UBE3D: variants seen among roughly 807,000 people sequenced by gnomAD.
UBE3D encodes the protein ubiquitin protein ligase E3D, also known as E3 ubiquitin-protein ligase E3D.
Under a neutral mutation model 49.6 loss-of-function variants are expected in UBE3D, and 48 were observed. The ratio of observed to expected loss-of-function variants is 0.97; its 90% CI spans 0.77 to 1.23. UBE3D has a LOEUF of 1.23. Ranked by LOEUF, UBE3D falls within the 50% of genes most tolerant of loss-of-function variation. The pLI, the probability that UBE3D is intolerant of heterozygous loss-of-function variation, is 0.00. For synonymous variants in UBE3D, 189 were observed against 174.2 expected (o/e 1.08, Z -0.67); for missense variants, 452 against 468.4 (o/e 0.96, Z 0.32).
chr6:83,039,823 T>G (rs926166587), intron 4 of UBE3D, among the ~76,000 whole-genome samples: 5 of 152,040 alleles, frequency 3.3e-5, no homozygotes, highest in Admixed American at 3.3e-4. Flanking sequence ...TTTGTAGTTA[T>G]AGTAGAGATG....
intron 9 of UBE3D, among the ~76,000 whole-genome samples, chr6:82,910,820 C>G (rs1772450534): frequency 6.6e-6 from 1 of 152,168 alleles, no homozygotes; most frequent in Admixed American, 6.5e-5. Flanking sequence ...GGTGGTGACA[C>G]TGACAATGTG....
intron 8 of UBE3D, among the ~76,000 whole-genome samples, chr6:82,985,100 C>A (rs985234144): frequency 6.6e-6 from 1 of 150,456 alleles, no homozygotes; most frequent in East Asian, 2.0e-4. Flanking sequence ...GATCCTCCCA[C>A]CTGGCCTCCC....
At chr6:83,024,367 T>C (rs1781304617) in intron 5 of UBE3D, among the ~76,000 whole-genome samples, 1 of 152,166 alleles carries the variant, frequency 6.6e-6, no homozygotes, top group Admixed American at 6.5e-5. Flanking sequence ...TTCTACAGAA[T>C]AGCTACAAAC....
At chr6:83,049,284 A>G (rs1303547145) in intron 3 of UBE3D, among the ~76,000 whole-genome samples, 1 of 152,046 alleles carries the variant, frequency 6.6e-6, no homozygotes, top group Non-Finnish European at 1.5e-5. Flanking sequence ...TCAAGTGGAC[A>G]TTAAGAATAT....
At chr6:82,957,737 G>A (rs768518440) in intron 8 of UBE3D, among the ~76,000 whole-genome samples, 1 of 152,098 alleles carries the variant, frequency 6.6e-6, no homozygotes, top group Non-Finnish European at 1.5e-5. Context: ...GGAAGGGGTG[G>A]CAGAGACTAA....
chr6:82,933,611 T>C (rs1011708349), intron 9 of UBE3D, among the ~76,000 whole-genome samples: 1 of 152,186 alleles, frequency 6.6e-6, no homozygotes, highest in Non-Finnish European at 1.5e-5. Context: ...CCAATTACAT[T>C]AACTATACAA....
intron 5 of UBE3D, among the ~76,000 whole-genome samples, chr6:83,024,638 A>G (rs1349616110): frequency 3.3e-5 from 5 of 152,108 alleles, no homozygotes; most frequent in Admixed American, 2.6e-4. Context: ...TTAAAACTCT[A>G]TTGATCACCT....
intron 9 of UBE3D, among the ~76,000 whole-genome samples, chr6:82,895,361 T>A: frequency 6.6e-6 from 1 of 152,080 alleles, no homozygotes; most frequent in East Asian, 1.9e-4. Context: ...TACAGAATAG[T>A]GATTTTCAAC....
chr6:82,998,106 C>T (rs544314472), intron 8 of UBE3D, among the ~76,000 whole-genome samples: 27 of 152,310 alleles, frequency 1.8e-4, no homozygotes, highest in Non-Finnish European at 3.1e-4. Context: ...GGCCTGAAGC[C>T]TTGCATAGGT....
intron 9 of UBE3D, among the ~76,000 whole-genome samples, chr6:82,931,408 A>G (rs2127744753): frequency 6.6e-6 from 1 of 152,276 alleles, no homozygotes; most frequent in South Asian, 2.1e-4. Context: ...AGAATGGTAG[A>G]TCCACTGACA....
intron 8 of UBE3D, among the ~76,000 whole-genome samples, chr6:83,009,727 T>C (rs998013134): frequency 7.2e-6 from 1 of 138,648 alleles, no homozygotes. Context: ...AAAAAGAAAA[T>C]CCTAAAGGTT....
intron 9 of UBE3D, among the ~76,000 whole-genome samples, chr6:82,947,124 G>A (rs969230095): frequency 2.6e-5 from 4 of 151,660 alleles, no homozygotes. Flanking sequence ...TTATGTCAAT[G>A]GAAACCAAAA....
chr6:83,035,419 G>A (rs1200116237), intron 5 of UBE3D, among the ~76,000 whole-genome samples: 1 of 152,070 alleles, frequency 6.6e-6, no homozygotes, highest in Non-Finnish European at 1.5e-5. Flanking sequence ...ATTGTGTTTT[G>A]AGACTTTGTT....
chr6:83,027,434 CAAAAAAAAAAAAAAAA>C (rs61225462), intron 5 of UBE3D, among the ~76,000 whole-genome samples: 2 of 34,646 alleles, frequency 5.8e-5, no homozygotes, highest in Non-Finnish European at 1.0e-4. Flanking sequence ...GACTCCGTCT[CAAAAAAAAAAAAAAAA>C]AAAAAAAAAA....
intron 5 of UBE3D, chr6:83,038,213 T>A: frequency 4.2e-6 from 2 of 472,634 alleles, no homozygotes; most frequent in East Asian, 7.8e-5. Flanking sequence ...ATACTTAAAA[T>A]TCAATACTCT....
chr6:82,936,066 G>C (rs1400978675), intron 9 of UBE3D, among the ~76,000 whole-genome samples: 1 of 151,738 alleles, frequency 6.6e-6, no homozygotes, highest in Non-Finnish European at 1.5e-5. Flanking sequence ...AGGGTGGAAT[G>C]TGCCTAGAGG....
At chr6:82,936,134 A>G (rs1167752237) in intron 9 of UBE3D, among the ~76,000 whole-genome samples, 3 of 152,172 alleles carry the variant, frequency 2.0e-5, no homozygotes, top group Non-Finnish European at 4.4e-5. Context: ...AAATATACTG[A>G]ACAATTTAGT....
intron 9 of UBE3D, among the ~76,000 whole-genome samples, chr6:82,946,465 C>A (rs1216384212): frequency 6.6e-6 from 1 of 152,002 alleles, no homozygotes; most frequent in African/African-American, 2.4e-5. Flanking sequence ...CAAACAACAA[C>A]TGAGGAATTT....
At chr6:83,041,754 C>T (rs887127638) in intron 4 of UBE3D, among the ~76,000 whole-genome samples, 42 of 152,136 alleles carry the variant, frequency 2.8e-4, no homozygotes, top group Middle Eastern at 3.4e-3. Context: ...TTACTAAGTA[C>T]TCCAAGAAAG....
Sources: gnomAD v4.1 joint callset for allele counts (sites outside exome capture counted in the v4.1 genomes callset) on GRCh38, gnomAD v4.1.1 for gene constraint, MANE v1.5 for transcripts, NCBI Gene and HGNC (gene_info 2026-07-23, HGNC 2026-07-21) for gene names.